The following LRFN2 variants were observed in gnomAD, a reference collection of about 807,000 sequenced individuals.
The protein encoded by LRFN2 is leucine rich repeat and fibronectin type III domain containing 2, also known as leucine-rich repeat and fibronectin type-III domain-containing protein 2.
LRFN2 carries 18 observed loss-of-function variants against 37.3 expected under a neutral mutation model. That is an observed-to-expected ratio of 0.48 (90% confidence interval 0.33 to 0.72). LRFN2 has a LOEUF of 0.72. Among genes scored for constraint, LRFN2 ranks in the 30% least tolerant of loss-of-function variants. The probability of loss-of-function intolerance (pLI) is 0.02; values close to 1 mark genes in which losing one functional copy is unlikely to be tolerated. For synonymous variants in LRFN2, 556 were observed against 466.6 expected, an observed-to-expected ratio of 1.19 and a Z score of -2.47; for missense variants, 1,006 against 1,060.7, an observed-to-expected ratio of 0.95 and a Z score of 0.72.
intron 1 of LRFN2, among the ~76,000 whole-genome samples, chr6:40,529,054 G>A (rs1366259424): frequency 6.6e-6 from 1 of 152,120 alleles, no homozygotes; most frequent in African/African-American, 2.4e-5. Flanking sequence ...CCTCCCTATT[G>A]CCCTTTTCTA....
At chr6:40,518,452 T>C (rs569413459) in intron 1 of LRFN2, among the ~76,000 whole-genome samples, 49 of 152,264 alleles carry the variant, frequency 3.2e-4, no homozygotes, top group African/African-American at 1.1e-3. Flanking sequence ...GGATCTGAAT[T>C]TGGGAGGTCT....
intron 1 of LRFN2, among the ~76,000 whole-genome samples, chr6:40,454,774 T>C (rs1581719089): frequency 6.6e-6 from 1 of 152,354 alleles, no homozygotes; most frequent in Non-Finnish European, 1.5e-5. Flanking sequence ...TGTTATAGCA[T>C]TGTTTATAAG....
intron 1 of LRFN2, among the ~76,000 whole-genome samples, chr6:40,520,469 C>G (rs1276243013): frequency 6.6e-6 from 1 of 152,134 alleles, no homozygotes; most frequent in Non-Finnish European, 1.5e-5. Flanking sequence ...GTTTATGCTC[C>G]CATTGCAGGA....
At chr6:40,582,833 T>C (rs1767428169) in intron 1 of LRFN2, among the ~76,000 whole-genome samples, 1 of 152,190 alleles carries the variant, frequency 6.6e-6, no homozygotes, top group Non-Finnish European at 1.5e-5. Context: ...ATAGCTATTT[T>C]TGACCCTCTG....
At chr6:40,409,233 C>A (rs1038607441) in intron 2 of LRFN2, among the ~76,000 whole-genome samples, 14 of 152,322 alleles carry the variant, frequency 9.2e-5, no homozygotes, top group African/African-American at 3.1e-4. Flanking sequence ...AACCATCTCC[C>A]TCTGTCAGAT....
At chr6:40,563,766 G>C (rs1451570470) in intron 1 of LRFN2, among the ~76,000 whole-genome samples, 1 of 152,254 alleles carries the variant, frequency 6.6e-6, no homozygotes, top group South Asian at 2.1e-4. Context: ...AGTAGCTTCA[G>C]CCTCCCCACA....
rs1187131819 is a variant in LRFN2, at chr6:40,432,425, G to T, written c.689C>A (p.Pro230His). Residue 230 changes from proline to histidine, a missense_variant, in exon 2 of 3, where the codon CCC becomes CAC. This residue lies in a region of LRFN2 where 303 missense variants were observed against 299.8 expected (regional missense o/e 1.01). Transcript: ENST00000338305. ...ACTAAAGGACAAGGGTGGGGCAAAGGGTGTGGCTGTCAAAGCCGAAGCCTG... is the reference window on the plus strand; with the variant it reads ...ACTAAAGGACAAGGGTGGGGCAAAGTGTGTGGCTGTCAAAGCCGAAGCCTG... ...RSQASALTAT[P>H]FAPPLSFSFG... 1 of 1,614,188 alleles carries T rather than the reference G, an allele frequency of 6.2e-7. No homozygotes were observed. The highest frequency in any genetic ancestry group is 1.1e-5 in the South Asian group (1 of 91,090).
Position 40,432,123 on chromosome 6 carries a change from C to A in LRFN2, c.991G>T (p.Gly331Trp). ...TAGACAGCGGTCCTTGAGGAGTTCC[C>A]TACCAGGCGGTCATCGGGGGCTACC... ...HWVAPDDRLV[G>W]NSSRTAVYDN... Residue 331 changes from glycine (G) to tryptophan (W), a missense_variant, in exon 2 of 3, where the codon GGG becomes TGG. Around this residue, in one of 4 missense-constraint regions of LRFN2, gnomAD observed 303 missense variants for 299.8 expected, o/e 1.01. Coordinates refer to ENST00000338305, the MANE Select transcript of LRFN2 (RefSeq NM_020737.3). 6.2e-7 allele frequency: 1 copy of A among 1,613,874 alleles called. No homozygotes were observed. The highest frequency in any genetic ancestry group is 8.5e-7 in the Non-Finnish European group (1 of 1,179,954).
chr6:40,449,579 G>C (rs1312433778), intron 1 of LRFN2, among the ~76,000 whole-genome samples: 1 of 152,218 alleles, frequency 6.6e-6, no homozygotes, highest in Non-Finnish European at 1.5e-5. Flanking sequence ...TGGACCATAA[G>C]GTGGTGGCCA....
chr6:40,486,279 G>A (rs1388813844), intron 1 of LRFN2, among the ~76,000 whole-genome samples: 1 of 152,138 alleles, frequency 6.6e-6, no homozygotes, highest in African/African-American at 2.4e-5. Context: ...CAGAGGATGA[G>A]CAGAATCAAG....
At position 40,424,955 on chromosome 6, in the gene LRFN2, G is replaced by C. The variant is rs76617129; in HGVS notation, c.1400+6759C>G. On this transcript the variant is annotated intron_variant, in intron 2 of 2. Coordinates refer to ENST00000338305, the MANE Select transcript of LRFN2 (RefSeq NM_020737.3). The stretch of plus-strand genomic sequence containing the variant: ...ACAGTAGAGATGGCTGTCTTTTCAT[G>C]GGGTAGGCCACAGCCCCACTGAGGT... 9.5e-3 allele frequency among the ~76,000 whole-genome samples: 1,447 copies of C among 152,360 alleles called. 26 individuals carry two copies. The highest frequency in any genetic ancestry group is 0.033 in the African/African-American group (1,379 of 41,570).
intron 1 of LRFN2, among the ~76,000 whole-genome samples, chr6:40,508,062 G>A (rs77517728): frequency 0.019 from 2,873 of 152,302 alleles, 55 homozygotes; most frequent in East Asian, 0.062. Context: ...AGGACTCTGA[G>A]TGAGACAGTG....
intron 1 of LRFN2, among the ~76,000 whole-genome samples, chr6:40,486,689 G>T (rs1764966576): frequency 1.3e-5 from 2 of 152,194 alleles, no homozygotes; most frequent in Admixed American, 1.3e-4. Flanking sequence ...GAAAGCTGGG[G>T]ATGTGCAAAT....
intron 1 of LRFN2, among the ~76,000 whole-genome samples, chr6:40,553,099 G>T (rs538832945): frequency 2.9e-3 from 445 of 152,112 alleles, no homozygotes; most frequent in African/African-American, 9.8e-3. Context: ...CTTCTTGTTC[G>T]CTCCGCTCTG....
intron 1 of LRFN2, among the ~76,000 whole-genome samples, chr6:40,492,247 G>A (rs1384889088): frequency 1.3e-5 from 2 of 152,196 alleles, no homozygotes; most frequent in African/African-American, 4.8e-5. Context: ...GCCCTCCCCT[G>A]AGTCCCAAGG....
At chr6:40,582,886 T>C (rs549955620) in intron 1 of LRFN2, among the ~76,000 whole-genome samples, 2 of 152,168 alleles carry the variant, frequency 1.3e-5, no homozygotes, top group Non-Finnish European at 2.9e-5. Flanking sequence ...AACCCAACAC[T>C]GTCCCGACCT....
intron 1 of LRFN2, among the ~76,000 whole-genome samples, chr6:40,546,468 C>T (rs752691207): frequency 6.6e-6 from 1 of 152,184 alleles, no homozygotes. Flanking sequence ...AGGTGAGTAG[C>T]TGGGCTCAAG....
rs140015816 is a variant in LRFN2, at chr6:40,412,471, G to T, written c.1400+19243C>A. On this transcript the variant is annotated intron_variant, in intron 2 of 2. Transcript: ENST00000338305. Reference sequence around the variant, plus strand: ...ACAGAGCATGACTGACAAGTACATCGTCTGGAGGGTATGAGAGTCGCTCAG... The same window carrying T: ...ACAGAGCATGACTGACAAGTACATCTTCTGGAGGGTATGAGAGTCGCTCAG... 7.1e-4 allele frequency among the ~76,000 whole-genome samples: 108 copies of T among 152,248 alleles called. 1 individual carries two copies. Among genetic ancestry groups the T allele is most frequent in the African/African-American group, 2.2e-3 (92 of 41,532 alleles).
At chr6:40,433,498 TTGGATGGATGGA>T (rs1160936691) in intron 1 of LRFN2, among the ~76,000 whole-genome samples, 1 of 152,194 alleles carries the variant, frequency 6.6e-6, no homozygotes, top group African/African-American at 2.4e-5. Context: ...TAACTATCTG[TTGGATGGATGGA>T]TGGATGGATG....
Sources: gnomAD v4.1 joint callset for allele counts (sites outside exome capture counted in the v4.1 genomes callset) on GRCh38, gnomAD v4.1.1 for gene constraint, gnomAD v4.1.1 regional missense constraint, MANE v1.5 for transcripts, NCBI Gene and HGNC (gene_info 2026-07-23, HGNC 2026-07-21) for gene names.